Variants in CCDC3 observed in about 807,000 individuals in gnomAD.
CCDC3 encodes coiled-coil domain-containing protein 3.
A neutral mutation model predicts 21.4 loss-of-function variants in CCDC3; 24 were observed. The ratio of observed to expected loss-of-function variants is 1.12; its 90% CI spans 0.81 to 1.58. The LOEUF (loss-of-function observed/expected upper bound fraction) is 1.58, where lower values mean the gene tolerates loss of function less well. CCDC3 is among the 40% of genes most tolerant of loss of function. The pLI is 0.00. For missense variants in CCDC3, 425 were observed against 360.9 expected (o/e 1.18, Z -1.44); for synonymous variants, 186 against 166.0 (o/e 1.12, Z -0.93).
At chr10:12,928,068 G>A (rs1158937477) in intron 2 of CCDC3, among the ~76,000 whole-genome samples, 1 of 152,178 alleles carries the variant, frequency 6.6e-6, no homozygotes, top group African/African-American at 2.4e-5. Context: ...CACACCCAGG[G>A]CCTCAGCGTG....
chr10:12,919,476 G>C (rs952752368), intron 2 of CCDC3, among the ~76,000 whole-genome samples: 6 of 151,636 alleles, frequency 4.0e-5, no homozygotes, highest in Admixed American at 3.3e-4. Flanking sequence ...TGTAGTCCTA[G>C]CTACTTGGGA....
chr10:13,041,458 T>C (rs1219205207), intron 5 of CCDC3, among the ~76,000 whole-genome samples: 1 of 150,498 alleles, frequency 6.6e-6, no homozygotes, highest in Non-Finnish European at 1.5e-5. Context: ...TATGTGTTGA[T>C]TTCCCCCTCG....
At chr10:12,959,994 A>T (rs1409712132) in intron 2 of CCDC3, among the ~76,000 whole-genome samples, 1 of 152,170 alleles carries the variant, frequency 6.6e-6, no homozygotes, top group African/African-American at 2.4e-5. Context: ...TCTCTACTAA[A>T]AATACAAAAA....
chr10:13,064,490 C>A (rs1836800718), intron 4 of CCDC3, among the ~76,000 whole-genome samples: 1 of 152,168 alleles, frequency 6.6e-6, no homozygotes, highest in Admixed American at 6.5e-5. Flanking sequence ...CTCAGGAGAT[C>A]CTCACGACAT....
chr10:12,991,763 A>C (rs1175695520), intron 2 of CCDC3, among the ~76,000 whole-genome samples: 2 of 152,194 alleles, frequency 1.3e-5, no homozygotes, highest in Non-Finnish European at 2.9e-5. Flanking sequence ...ATAGTTTTAA[A>C]AACTCCAAAA....
At chr10:13,038,893 A>T (rs1836413347) in intron 5 of CCDC3, among the ~76,000 whole-genome samples, 1 of 152,194 alleles carries the variant, frequency 6.6e-6, no homozygotes, top group Non-Finnish European at 1.5e-5. Context: ...TACATCTTGC[A>T]CACCTGCTCA....
chr10:13,073,845 A>T (rs951430040), intron 4 of CCDC3: 2 of 152,104 alleles, frequency 1.3e-5, no homozygotes, highest in African/African-American at 4.8e-5. Context: ...AATAAACCCA[A>T]CAGGTCTACC....
rs533372527 is a variant in CCDC3 at position 13,041,982 on chromosome 10, A to G, written c.-2+7692T>C. On this transcript the variant is annotated intron_variant, in intron 5 of 6. Transcript: ENST00000378839. ...AAGAGACCAGGGACACCCACTCACC[A>G]CCATCTCCCTAAGAGTGCTGAATGG... Among the ~76,000 whole-genome samples, 50 of 152,272 alleles carry G rather than the reference A, an allele frequency of 3.3e-4. No homozygotes were observed. In the South Asian group the frequency reaches 3.5e-3, roughly 11 times the overall value.
At chr10:12,986,793 C>A (rs919143424) in intron 2 of CCDC3, among the ~76,000 whole-genome samples, 22 of 136,230 alleles carry the variant, frequency 1.6e-4, no homozygotes, top group East Asian at 6.6e-4. Context: ...AACAAAAAAA[C>A]AAAAACAAAA....
chr10:13,051,120 C>T (rs1350510134), intron 4 of CCDC3, among the ~76,000 whole-genome samples: 1 of 152,130 alleles, frequency 6.6e-6, no homozygotes, highest in Non-Finnish European at 1.5e-5. Flanking sequence ...AGCTCTAATC[C>T]TTTGGGATTC....
intron 2 of CCDC3, among the ~76,000 whole-genome samples, chr10:12,924,064 G>A (rs1330171758): frequency 6.6e-6 from 1 of 152,192 alleles, no homozygotes; most frequent in African/African-American, 2.4e-5. Flanking sequence ...AAATGCTGTA[G>A]AATTGCCATG....
At chr10:12,973,910 T>C (rs965099062) in intron 2 of CCDC3, among the ~76,000 whole-genome samples, 1 of 133,022 alleles carries the variant, frequency 7.5e-6, no homozygotes. Context: ...GAATTTTTTT[T>C]CTAATCACAA....
At position 12,961,561 on chromosome 10, in the gene CCDC3, G is replaced by A. The variant is rs147133357; in HGVS notation, c.549+36777C>T. Among the ~76,000 whole-genome samples the A allele has an allele frequency of 2.6e-5, 4 of 152,234 alleles. No individual in the cohort carries two copies. The East Asian group carries it at 7.7e-4, about 29-fold the overall frequency. ...GATTTTGGCATAAACAATTTTCCCC[G>A]GAGGCTCTGGGACCACGGCATGAAG... On this transcript the variant is annotated intron_variant, in intron 2 of 2. Coordinates refer to ENST00000378825, the MANE Select transcript of CCDC3 (RefSeq NM_031455.4).
intron 2 of CCDC3, among the ~76,000 whole-genome samples, chr10:12,990,705 A>AGTGG (rs1835668417): frequency 6.6e-6 from 1 of 152,218 alleles, no homozygotes; most frequent in African/African-American, 2.4e-5. Context: ...ATTAACAAAT[A>AGTGG]TGATTTTTAT....
At chr10:13,090,031 T>TTAGATAGATAGATAGATAGATATA (rs1314262953) in intron 3 of CCDC3, among the ~76,000 whole-genome samples, 1 of 7,830 alleles carries the variant, frequency 1.3e-4, no homozygotes, top group African/African-American at 1.6e-4. Context: ...TAGTATTCCG[T>TTAGATAGATAGATAGATAGATATA]TAGATATATA....
intron 5 of CCDC3, among the ~76,000 whole-genome samples, chr10:13,018,038 G>C (rs1202700023): frequency 6.6e-6 from 1 of 151,746 alleles, no homozygotes; most frequent in Non-Finnish European, 1.5e-5. Context: ...CCTAAACTGA[G>C]AGCAAGGTGG....
intron 5 of CCDC3, among the ~76,000 whole-genome samples, chr10:13,014,458 G>GAAAAAAAAAAAAA (rs59613788): frequency 2.6e-5 from 2 of 78,006 alleles, no homozygotes; most frequent in Non-Finnish European, 4.8e-5. Context: ...TCAAAAAAAA[G>GAAAAAAAAAAAAA]AAAAAAAAAA....
chr10:13,073,548 C>CTGGAGTGCAGTGGTATGATCA (rs79435407), intron 4 of CCDC3, among the ~76,000 whole-genome samples: 2 of 151,584 alleles, frequency 1.3e-5, no homozygotes, highest in Non-Finnish European at 2.9e-5. Context: ...GTCACCCAGG[C>CTGGAGTGCAGTGGTATGATCA]TGGCTCACTG....
At chr10:13,081,389 GA>G (rs1359516305) in intron 3 of CCDC3, among the ~76,000 whole-genome samples, 1 of 152,078 alleles carries the variant, frequency 6.6e-6, no homozygotes, top group Non-Finnish European at 1.5e-5. Context: ...TCAGAAAGAA[GA>G]AAAACTTGAG....
Sources: allele counts gnomAD v4.1 joint callset (sites outside exome capture counted in the v4.1 genomes callset), GRCh38; gene constraint gnomAD v4.1.1; transcripts MANE v1.5; gene names NCBI Gene and HGNC (gene_info 2026-07-23, HGNC 2026-07-21).